BNC2: variants seen among roughly 807,000 people sequenced by gnomAD.
BNC2 encodes zinc finger protein basonuclin-2.
A neutral mutation model predicts 76.3 loss-of-function variants in BNC2; 20 were observed. That is an observed-to-expected ratio of 0.26 (90% CI 0.18 to 0.38). The LOEUF is 0.38. BNC2 is among the 10% of genes least tolerant of loss of function. The probability of loss-of-function intolerance (pLI) is 1.00; values close to 1 mark genes in which losing one functional copy is unlikely to be tolerated. For missense variants in BNC2, 1,382 were observed against 1,399.8 expected (o/e 0.99, Z 0.20); for synonymous variants, 582 against 514.8 (o/e 1.13, Z -1.77).
chr9:16,572,710 G>A (rs375561077), intron 4 of BNC2, among the ~76,000 whole-genome samples: 30 of 152,208 alleles, frequency 2.0e-4, no homozygotes, highest in African/African-American at 7.2e-4. Context: ...TGATGAACAA[G>A]GCACAGGAAA....
intron 4 of BNC2, among the ~76,000 whole-genome samples, chr9:16,555,529 GC>G (rs1818802941): frequency 1.3e-5 from 2 of 152,166 alleles, no homozygotes; most frequent in African/African-American, 4.8e-5. Flanking sequence ...GGGCAAGGTG[GC>G]TCACACCTGT....
At chr9:16,656,181 C>G (rs965114762) in intron 3 of BNC2, among the ~76,000 whole-genome samples, 1 of 152,110 alleles carries the variant, frequency 6.6e-6, no homozygotes, top group South Asian at 2.1e-4. Context: ...AGTTCCAAGG[C>G]TGAGTAACCC....
intron 2 of BNC2, 145 bp downstream of exon 2, chr9:16,738,215 A>G: frequency 2.3e-6 from 2 of 875,116 alleles, no homozygotes; most frequent in South Asian, 1.5e-5. Context: ...GCAAATAAAT[A>G]CCTGAGTTTC....
chr9:16,801,929 A>G (rs1479139295), intron 1 of BNC2, among the ~76,000 whole-genome samples: 1 of 152,144 alleles, frequency 6.6e-6, no homozygotes, highest in African/African-American at 2.4e-5. Flanking sequence ...AACAGCCCAT[A>G]AAAGTTTTTC....
intron 3 of BNC2, chr9:16,704,679 G>GT (rs1823609803): frequency 1.2e-5 from 1 of 81,132 alleles, no homozygotes; most frequent in African/African-American, 4.2e-5. Context: ...ACAGAGAAAT[G>GT]GTTTTTTTTT....
intron 1 of BNC2, among the ~76,000 whole-genome samples, chr9:16,790,345 C>G (rs1277567165): frequency 6.6e-6 from 1 of 152,102 alleles, no homozygotes; most frequent in Non-Finnish European, 1.5e-5. Flanking sequence ...GTTCTATGAC[C>G]TTTAATTTTT....
intron 5 of BNC2, among the ~76,000 whole-genome samples, chr9:16,528,416 G>A (rs1296999438): frequency 2.0e-5 from 3 of 152,062 alleles, no homozygotes; most frequent in Non-Finnish European, 4.4e-5. Context: ...TATATATTGA[G>A]CTTTCAGGCT....
chr9:16,441,799 A>G (rs926796913), intron 5 of BNC2, among the ~76,000 whole-genome samples: 2 of 152,250 alleles, frequency 1.3e-5, no homozygotes, highest in African/African-American at 4.8e-5. Context: ...AAGTATTGGA[A>G]AAACTAGTCC....
intron 1 of BNC2, among the ~76,000 whole-genome samples, chr9:16,819,439 G>T (rs951716891): frequency 6.6e-6 from 1 of 152,174 alleles, no homozygotes; most frequent in Non-Finnish European, 1.5e-5. Flanking sequence ...AAGCTGGGTG[G>T]ATCACCTGAG....
At position 16,419,372 on chromosome 9, in the gene BNC2, T is replaced by C; in HGVS notation, c.2917A>G (p.Ser973Gly). ...TCGGATTCTCTGGAGGAATGGATAC[T>C]GCTGCTGGACTGGAGGCTGGAGGTG... is the stretch of plus-strand genomic sequence containing the variant. ...STTSSLQSSS[S>G]IHSSRESDAG... The change falls in exon 7 of 7, where the codon AGT becomes GGT. Residue 973 changes from serine to glycine, a missense_variant. Around this residue, in one of 3 missense-constraint regions of BNC2, gnomAD observed 798 missense variants for 775.5 expected, o/e 1.03. Transcript: ENST00000380672. The C allele has an allele frequency of 6.2e-7, 1 of 1,606,332 alleles. No homozygotes were observed. Among genetic ancestry groups the C allele is most frequent in the Non-Finnish European group, 8.5e-7 (1 of 1,175,570 alleles).
intron 1 of BNC2, among the ~76,000 whole-genome samples, chr9:16,815,985 A>C (rs1410903266): frequency 2.0e-5 from 3 of 152,156 alleles, no homozygotes; most frequent in South Asian, 2.1e-4. Flanking sequence ...TCATGTTTTA[A>C]CTGGAAAGTT....
At chr9:16,558,232 G>T (rs1314614615) in intron 4 of BNC2, among the ~76,000 whole-genome samples, 1 of 152,184 alleles carries the variant, frequency 6.6e-6, no homozygotes, top group East Asian at 1.9e-4. Flanking sequence ...ATAACAACTG[G>T]TTCAAGAATA....
chr9:16,619,785 C>G (rs1334681130), intron 3 of BNC2, among the ~76,000 whole-genome samples: 1 of 152,130 alleles, frequency 6.6e-6, no homozygotes, highest in Non-Finnish European at 1.5e-5. Flanking sequence ...GTAACACACT[C>G]TAAGGGCACT....
rs1820650791 is a variant in BNC2, at chr9:16,418,977, T to C, written c.*12A>G. 1 of 1,613,978 alleles carries C rather than the reference T, an allele frequency of 6.2e-7. No homozygotes were observed. The highest frequency in any genetic ancestry group is 8.5e-7 in the Non-Finnish European group (1 of 1,179,974). ...CTGGTGAGAGCTGGCATTTGTAGTG[T>C]CCATTCTGAGACTAATCTACTGAAG... On this transcript the variant is annotated 3_prime_UTR_variant, in exon 7 of 7. Coordinates refer to ENST00000380672, the MANE Select transcript of BNC2 (RefSeq NM_017637.6).
intron 3 of BNC2, among the ~76,000 whole-genome samples, chr9:16,705,984 C>G (rs1823658181): frequency 6.7e-6 from 1 of 149,550 alleles, no homozygotes; most frequent in Non-Finnish European, 1.5e-5. Context: ...TGACTTATTG[C>G]TTGTGCAGAG....
intron 5 of BNC2, among the ~76,000 whole-genome samples, chr9:16,447,062 A>G (rs1821245959): frequency 6.6e-6 from 1 of 152,148 alleles, no homozygotes; most frequent in Non-Finnish European, 1.5e-5. Flanking sequence ...ACCTCGCTGC[A>G]TTGTAAATCA....
At chr9:16,660,405 G>C (rs1378838841) in intron 3 of BNC2, among the ~76,000 whole-genome samples, 1 of 150,552 alleles carries the variant, frequency 6.6e-6, no homozygotes, top group African/African-American at 2.5e-5. Flanking sequence ...AGTGAGCTGA[G>C]ATCGTGCCAC....
chr9:16,723,050 C>T (rs1824208966), intron 3 of BNC2, among the ~76,000 whole-genome samples: 1 of 152,066 alleles, frequency 6.6e-6, no homozygotes, highest in African/African-American at 2.4e-5. Context: ...TTAAGAGGGG[C>T]CTAAATTGGA....
chr9:16,531,316 C>T (rs1003519142), intron 5 of BNC2, among the ~76,000 whole-genome samples: 1 of 151,366 alleles, frequency 6.6e-6, no homozygotes, highest in African/African-American at 2.4e-5. Context: ...AAAGGCTTCT[C>T]CTTCACATGT....
Sources: allele counts gnomAD v4.1 joint callset (sites outside exome capture counted in the v4.1 genomes callset), GRCh38; gene constraint gnomAD v4.1.1; regional missense constraint gnomAD v4.1.1; transcripts MANE v1.5; gene names NCBI Gene and HGNC (gene_info 2026-07-23, HGNC 2026-07-21).